The following HP1BP3 variants were observed in gnomAD, a reference collection of about 807,000 sequenced individuals.
HP1BP3 encodes heterochromatin protein 1-binding protein 3.
HP1BP3 carries 12 observed loss-of-function variants against 62.5 expected under a neutral mutation model. The observed-to-expected ratio is 0.19, with a 90% CI of 0.12 to 0.31. The LOEUF is 0.31. Ranked by LOEUF, HP1BP3 falls within the 10% of genes least tolerant of loss-of-function variation. The probability of loss-of-function intolerance (pLI) is 1.00; values close to 1 mark genes in which losing one functional copy is unlikely to be tolerated. For synonymous variants in HP1BP3, 260 were observed against 237.8 expected (o/e 1.09, Z -0.86); for missense variants, 502 against 651.8 (o/e 0.77, Z 2.50).
At chr1:20,762,991 C>T (rs1272615379) in intron 8 of HP1BP3, among the ~76,000 whole-genome samples, 2 of 152,078 alleles carry the variant, frequency 1.3e-5, no homozygotes, top group African/African-American at 4.8e-5. Context: ...GGGATGGCTT[C>T]GTGAATGGCT....
At chr1:20,761,827 A>C (rs2056501760) in intron 8 of HP1BP3, among the ~76,000 whole-genome samples, 1 of 152,190 alleles carries the variant, frequency 6.6e-6, no homozygotes, top group Admixed American at 6.5e-5. Flanking sequence ...GGTTACAGAA[A>C]AATCAGGAAA....
intron 8 of HP1BP3, 132 bp from the exon 9 acceptor site, chr1:20,757,388 T>TTTTTA: frequency 2.6e-6 from 1 of 379,150 alleles, no homozygotes; most frequent in Non-Finnish European, 4.3e-6. Flanking sequence ...TTTTTTTTTT[T>TTTTTA]GAGGTGGAGT....
At chr1:20,775,771 C>T in intron 4 of HP1BP3, 1 of 472,422 alleles carries the variant, frequency 2.1e-6, no homozygotes, top group South Asian at 5.0e-5. Context: ...ACATGCTGTA[C>T]AGGTTTGTAG....
intron 6 of HP1BP3, among the ~76,000 whole-genome samples, chr1:20,767,946 A>G (rs2056866846): frequency 6.6e-6 from 1 of 152,222 alleles, no homozygotes; most frequent in South Asian, 2.1e-4. Context: ...ACCACGTTAA[A>G]CAGTTTATTA....
chr1:20,764,219 T>TC (rs1364349050), intron 8 of HP1BP3, among the ~76,000 whole-genome samples: 2 of 152,224 alleles, frequency 1.3e-5, no homozygotes, highest in African/African-American at 2.4e-5. Context: ...ATCCTTTTTT[T>TC]CACAGACTTT....
At chr1:20,748,221 T>C (rs2055464317) in intron 10 of HP1BP3, among the ~76,000 whole-genome samples, 1 of 152,236 alleles carries the variant, frequency 6.6e-6, no homozygotes, top group Non-Finnish European at 1.5e-5. Flanking sequence ...CCTATAGGTA[T>C]TGATAATCAT....
At chr1:20,765,959 C>T (rs1315899054) in intron 7 of HP1BP3, among the ~76,000 whole-genome samples, 3 of 137,646 alleles carry the variant, frequency 2.2e-5, no homozygotes, top group Non-Finnish European at 4.6e-5. Context: ...AACGAGACTC[C>T]GTCTCAAAAA....
At chr1:20,782,885 G>A (rs1327219181) in intron 1 of HP1BP3, among the ~76,000 whole-genome samples, 1 of 136,762 alleles carries the variant, frequency 7.3e-6, no homozygotes, top group Non-Finnish European at 1.5e-5. Context: ...GGGCGACAGA[G>A]CAAGACTCCT....
In HP1BP3 at chr1:20,745,586, AT is replaced by A; in HGVS notation, c.1323del (p.Ser442GlnfsTer31). 2 of 1,613,872 alleles carry A rather than the reference AT, an allele frequency of 1.2e-6. No individual in the cohort carries two copies. Among genetic ancestry groups the A allele is most frequent in the Non-Finnish European group, 1.7e-6 (2 of 1,179,800 alleles). ...TCTTCATCCTCAGAGTCTTCTTCTG[AT>A]GACTCATCTTCATCTTCATCCTCAT... Reference protein sequence around the residue: ...SRDEDEDEDESSEEDSEDEEP... With the variant: ...SRDEDEDEDEXSEEDSEDEEP... On this transcript the variant is annotated frameshift_variant, in exon 12 of 13. Transcript: ENST00000438032. LOFTEE classifies it high-confidence loss of function.
chr1:20,746,227 T>TGTGTGTGTGTGTGTGTGTGTG (rs1557633244), intron 11 of HP1BP3, among the ~76,000 whole-genome samples: 6 of 145,930 alleles, frequency 4.1e-5, no homozygotes, highest in African/African-American at 1.3e-4. Context: ...TGTGTGTGTG[T>TGTGTGTGTGTGTGTGTGTGTG]TTCTTGCCTT....
At chr1:20,759,671 TA>T (rs1215914201) in intron 8 of HP1BP3, among the ~76,000 whole-genome samples, 1 of 152,000 alleles carries the variant, frequency 6.6e-6, no homozygotes, top group Non-Finnish European at 1.5e-5. Context: ...ACAAGAATAA[TA>T]AAAATAGTCA....
At chr1:20,776,902 T>C (rs2057328654) in intron 3 of HP1BP3, 152 bp from the exon 4 acceptor site, 1 of 580,258 alleles carries the variant, frequency 1.7e-6, no homozygotes, top group Admixed American at 3.8e-5. Flanking sequence ...AATGCAGTTT[T>C]CTTACATTCT....
chr1:20,759,010 GAAAAACAACTGTA>G (rs2056302496), intron 8 of HP1BP3, among the ~76,000 whole-genome samples: 1 of 152,024 alleles, frequency 6.6e-6, no homozygotes, highest in African/African-American at 2.4e-5. Context: ...GCCATGTTAG[GAAAAACAACTGTA>G]AAATATCATT....
chr1:20,759,887 T>C (rs2056361906), intron 8 of HP1BP3, among the ~76,000 whole-genome samples: 1 of 147,888 alleles, frequency 6.8e-6, no homozygotes, highest in Non-Finnish European at 1.5e-5. Context: ...CCGATTTTTT[T>C]TTTTTTTTTT....
chr1:20,760,927 G>C (rs902803682), intron 8 of HP1BP3, among the ~76,000 whole-genome samples: 14 of 152,146 alleles, frequency 9.2e-5, no homozygotes, highest in Middle Eastern at 3.2e-3. Flanking sequence ...CATACTGAAA[G>C]GGAGCATGAA....
intron 4 of HP1BP3, chr1:20,774,295 G>C (rs914147218): frequency 2.6e-5 from 4 of 151,826 alleles, no homozygotes; most frequent in Admixed American, 1.3e-4. Context: ...CTTGAGGCCA[G>C]GAGTTCAAGC....
rs541941929 is a variant in HP1BP3 at position 20,753,385 on chromosome 1, T to C, written c.982-3503A>G. Among the ~76,000 whole-genome samples the C allele has an allele frequency of 2.0e-5, 3 of 152,330 alleles. No homozygotes were observed. In the East Asian group the frequency reaches 5.8e-4, roughly 29 times the overall value. ...ATAGTATTTGTTGCCAATGATAAAA[T>C]TCAACCTTTCAAGAGAAAATTTAAA... On this transcript the variant is annotated intron_variant, in intron 9 of 12. Transcript: ENST00000438032.
chr1:20,746,352 C>A (rs1341443710), intron 11 of HP1BP3, among the ~76,000 whole-genome samples: 1 of 151,566 alleles, frequency 6.6e-6, no homozygotes, highest in Admixed American at 6.6e-5. Flanking sequence ...TCCCACCACA[C>A]CTGGCAGAAT....
At chr1:20,782,968 T>C (rs563989658) in intron 1 of HP1BP3, among the ~76,000 whole-genome samples, 1 of 150,196 alleles carries the variant, frequency 6.7e-6, no homozygotes, top group Non-Finnish European at 1.5e-5. Flanking sequence ...AAAAATTAGC[T>C]GGTCACTGTG....
Sources: allele counts gnomAD v4.1 joint callset (sites outside exome capture counted in the v4.1 genomes callset), GRCh38; gene constraint gnomAD v4.1.1; transcripts MANE v1.5; gene names NCBI Gene and HGNC (gene_info 2026-07-23, HGNC 2026-07-21).